Variants in ULK4 observed in about 807,000 individuals in gnomAD.
The protein encoded by ULK4 is inactive serine/threonine-protein kinase ULK4.
A neutral mutation model predicts 160.6 loss-of-function variants in ULK4; 133 were observed. That is an observed-to-expected ratio of 0.83 (90% CI 0.72 to 0.96). ULK4 has a LOEUF of 0.96. ULK4 is among the 40% of genes least tolerant of loss of function. The probability of loss-of-function intolerance (pLI) is 0.00; values close to 1 mark genes in which losing one functional copy is unlikely to be tolerated. For missense variants in ULK4, 1,580 were observed against 1,499.5 expected, an observed-to-expected ratio of 1.05 and a Z score of -0.89; for synonymous variants, 534 against 539.8, an observed-to-expected ratio of 0.99 and a Z score of 0.15.
chr3:41,303,856 G>A (rs534952877), intron 35 of ULK4, among the ~76,000 whole-genome samples: 8 of 152,094 alleles, frequency 5.3e-5, no homozygotes, highest in South Asian at 2.1e-4. Context: ...ACAAGAGGTC[G>A]GGGCAGGGTG....
At chr3:41,646,093 C>G (rs2034475808) in intron 30 of ULK4, among the ~76,000 whole-genome samples, 1 of 152,192 alleles carries the variant, frequency 6.6e-6, no homozygotes, top group Admixed American at 6.5e-5. Flanking sequence ...TGTCTCTGCA[C>G]ATGAGATGGG....
chr3:41,836,485 T>C (rs1176482550), intron 17 of ULK4, among the ~76,000 whole-genome samples: 2 of 152,090 alleles, frequency 1.3e-5, no homozygotes, highest in African/African-American at 4.8e-5. Context: ...TTTCAGTTTA[T>C]AAAGCACTTC....
At chr3:41,514,903 G>T (rs967602616) in intron 32 of ULK4, among the ~76,000 whole-genome samples, 8 of 152,140 alleles carry the variant, frequency 5.3e-5, no homozygotes, top group African/African-American at 1.9e-4. Context: ...CCCAAAATTT[G>T]TACAAATAAG....
chr3:41,860,150 A>G (rs929906023), intron 17 of ULK4, among the ~76,000 whole-genome samples: 2 of 152,208 alleles, frequency 1.3e-5, no homozygotes, highest in African/African-American at 4.8e-5. Context: ...GTGATCTAAA[A>G]TGTGGTCTAA....
chr3:41,689,265 T>C (rs1217834219), intron 27 of ULK4, among the ~76,000 whole-genome samples: 1 of 152,220 alleles, frequency 6.6e-6, no homozygotes, highest in Non-Finnish European at 1.5e-5. Flanking sequence ...CTTTGTTGAT[T>C]TCTACCCACC....
At chr3:41,487,637 A>T (rs1199866631) in intron 32 of ULK4, among the ~76,000 whole-genome samples, 1 of 152,158 alleles carries the variant, frequency 6.6e-6, no homozygotes, top group Non-Finnish European at 1.5e-5. Context: ...CTAACCATTA[A>T]CAAAATTCAG....
intron 22 of ULK4, among the ~76,000 whole-genome samples, chr3:41,748,938 G>A (rs1186516717): frequency 1.3e-5 from 2 of 152,140 alleles, no homozygotes; most frequent in African/African-American, 2.4e-5. Context: ...GGTGGTGGTT[G>A]GCAGAATGCT....
At chr3:41,767,341 T>C (rs1430629424) in intron 21 of ULK4, among the ~76,000 whole-genome samples, 2 of 152,192 alleles carry the variant, frequency 1.3e-5, no homozygotes, top group Non-Finnish European at 2.9e-5. Context: ...TTATCTGAAT[T>C]TGATTTTTAT....
chr3:41,571,402 T>C (rs1559404173), intron 31 of ULK4, among the ~76,000 whole-genome samples: 1 of 152,266 alleles, frequency 6.6e-6, no homozygotes, highest in South Asian at 2.1e-4. Flanking sequence ...TATTAACTTG[T>C]ATCAAACTGT....
At chr3:41,476,684 T>G (rs1199876772) in intron 32 of ULK4, among the ~76,000 whole-genome samples, 2 of 152,162 alleles carry the variant, frequency 1.3e-5, no homozygotes, top group Non-Finnish European at 2.9e-5. Context: ...AGTAGTTACC[T>G]GTGGCTTAGA....
chr3:41,270,881 A>G (rs1045717426), intron 35 of ULK4, among the ~76,000 whole-genome samples: 1 of 152,216 alleles, frequency 6.6e-6, no homozygotes, highest in African/African-American at 2.4e-5. Context: ...AAAAATTATT[A>G]CAGTAACTTT....
At chr3:41,421,630 T>C (rs1442869510) in intron 34 of ULK4, among the ~76,000 whole-genome samples, 2 of 152,224 alleles carry the variant, frequency 1.3e-5, no homozygotes, top group Non-Finnish European at 2.9e-5. Context: ...TATTTGGTTA[T>C]ATTAAGTAAT....
At chr3:41,828,436 G>C (rs955500091) in intron 18 of ULK4, among the ~76,000 whole-genome samples, 2 of 145,612 alleles carry the variant, frequency 1.4e-5, no homozygotes, top group African/African-American at 5.3e-5. Flanking sequence ...AAGCTGATAA[G>C]CAACTTCAGC....
chr3:41,404,039 A>T (rs2082240994), intron 34 of ULK4, among the ~76,000 whole-genome samples: 1 of 152,038 alleles, frequency 6.6e-6, no homozygotes, highest in East Asian at 1.9e-4. Context: ...TTCCATGGGC[A>T]CTGGAAAAAA....
At chr3:41,398,365 G>A (rs1361590456) in intron 34 of ULK4, 101 bp from the exon 35 acceptor site, 4 of 1,142,906 alleles carry the variant, frequency 3.5e-6, no homozygotes, top group Non-Finnish European at 5.0e-6. Context: ...GTCAGCCTGA[G>A]TAGTCTGCTG....
chr3:41,334,392 T>A (rs896616552), intron 35 of ULK4, among the ~76,000 whole-genome samples: 33 of 152,296 alleles, frequency 2.2e-4, no homozygotes, highest in African/African-American at 7.7e-4. Context: ...AAAGAGAGAA[T>A]GTCCCACCCG....
intron 26 of ULK4, 38 bp from the exon 27 acceptor site, chr3:41,705,189 A>G (rs1381415430): frequency 1.9e-6 from 3 of 1,609,204 alleles, no homozygotes; most frequent in Non-Finnish European, 2.5e-6. Flanking sequence ...GTTTATTTAC[A>G]TGTTCTAAAT....
chr3:41,586,829 T>A (rs963649545), intron 31 of ULK4, among the ~76,000 whole-genome samples: 17 of 152,146 alleles, frequency 1.1e-4, no homozygotes, highest in African/African-American at 3.6e-4. Flanking sequence ...ACTATCAATG[T>A]GAATTTATTC....
chr3:41,737,305 A>G (rs1429116352), intron 22 of ULK4, among the ~76,000 whole-genome samples: 1 of 152,022 alleles, frequency 6.6e-6, no homozygotes, highest in African/African-American at 2.4e-5. Flanking sequence ...TCCAACTTAC[A>G]AGGGATGTCA....
Sources: allele counts gnomAD v4.1 joint callset (sites outside exome capture counted in the v4.1 genomes callset), GRCh38; gene constraint gnomAD v4.1.1; transcripts MANE v1.5; gene names NCBI Gene and HGNC (gene_info 2026-07-23, HGNC 2026-07-21).